Variants in PARD3B observed in about 807,000 individuals in gnomAD.
The protein encoded by PARD3B is partitioning defective 3 homolog B.
PARD3B carries 103 observed loss-of-function variants against 130.2 expected under a neutral mutation model. The ratio of observed to expected loss-of-function variants is 0.79; its 90% CI spans 0.67 to 0.93. PARD3B has a LOEUF of 0.93. Ranked by LOEUF, PARD3B falls within the 40% of genes least tolerant of loss-of-function variation. The probability of loss-of-function intolerance (pLI) is 0.00; values close to 1 mark genes in which losing one functional copy is unlikely to be tolerated. For missense variants in PARD3B, 1,609 were observed against 1,499.2 expected (o/e 1.07, Z -1.21); for synonymous variants, 583 against 553.2 (o/e 1.05, Z -0.76).
chr2:204,817,092 C>T (rs180995204), intron 2 of PARD3B, among the ~76,000 whole-genome samples: 4 of 152,142 alleles, frequency 2.6e-5, no homozygotes, highest in Admixed American at 2.0e-4. Context: ...TTATATATTA[C>T]ATATCTATAT....
At position 205,187,211 on chromosome 2, in the gene PARD3B, A is replaced by G. The variant is rs2036152334; in HGVS notation, c.2024+1348A>G. On this transcript the variant is annotated intron_variant, in intron 14 of 22. Coordinates refer to ENST00000406610, the MANE Select transcript of PARD3B (RefSeq NM_001302769.2). The surrounding 1 kb of genome is among the most constrained non-coding windows in gnomAD (Gnocchi z 4.9). ...CCTAACTCATGAATAGCAGGTGGAC[A>G]TGAGATGAGCCCAGGAAGAAAGGGC... Among the ~76,000 whole-genome samples the G allele has an allele frequency of 6.6e-6, 1 of 152,220 alleles. No homozygotes were observed.
At chr2:204,837,198 A>G (rs1187851391) in intron 2 of PARD3B, among the ~76,000 whole-genome samples, 2 of 152,166 alleles carry the variant, frequency 1.3e-5, no homozygotes, top group African/African-American at 4.8e-5. Context: ...TTTCATAAAT[A>G]CTAAGACTAT....
intron 5 of PARD3B, among the ~76,000 whole-genome samples, chr2:205,108,133 GA>G (rs1321261849): frequency 6.6e-6 from 1 of 152,114 alleles, no homozygotes; most frequent in Non-Finnish European, 1.5e-5. Flanking sequence ...CCCATGTTTT[GA>G]TGCTTTATTC....
intron 10 of PARD3B, among the ~76,000 whole-genome samples, chr2:205,151,189 G>A (rs953172445): frequency 6.6e-6 from 1 of 152,138 alleles, no homozygotes; most frequent in Non-Finnish European, 1.5e-5. Context: ...CAACTATGTG[G>A]TCAATTTTGG....
At chr2:204,872,463 T>G (rs997749144) in intron 2 of PARD3B, among the ~76,000 whole-genome samples, 4 of 152,092 alleles carry the variant, frequency 2.6e-5, no homozygotes, top group Admixed American at 2.0e-4. Context: ...TACAGAGCAT[T>G]TTGGGAGGAA....
At chr2:205,581,570 A>T (rs1183968909) in intron 22 of PARD3B, among the ~76,000 whole-genome samples, 1 of 150,102 alleles carries the variant, frequency 6.7e-6, no homozygotes, top group Non-Finnish European at 1.5e-5. Context: ...ACAGCCAATA[A>T]TTTAGTATAT....
intron 22 of PARD3B, among the ~76,000 whole-genome samples, chr2:205,612,215 C>G (rs1209769830): frequency 6.6e-6 from 1 of 152,138 alleles, no homozygotes. Context: ...TGTAGCGGCA[C>G]AATCTCAGCT....
At chr2:205,595,955 G>A (rs1183939596) in intron 22 of PARD3B, among the ~76,000 whole-genome samples, 1 of 152,102 alleles carries the variant, frequency 6.6e-6, no homozygotes, top group Non-Finnish European at 1.5e-5. Context: ...AATGATGAGA[G>A]CAGAGTAATT....
intron 4 of PARD3B, among the ~76,000 whole-genome samples, chr2:205,051,220 C>T (rs1170521461): frequency 6.6e-6 from 1 of 152,130 alleles, no homozygotes; most frequent in Non-Finnish European, 1.5e-5. Flanking sequence ...CTTCACAACT[C>T]CAGCTACACC....
chr2:204,588,484 C>T (rs1178153701), intron 1 of PARD3B, among the ~76,000 whole-genome samples: 2 of 152,178 alleles, frequency 1.3e-5, no homozygotes, highest in Non-Finnish European at 1.5e-5. Flanking sequence ...ATTCCCCCCA[C>T]TTTGATATGC....
In PARD3B at chr2:205,541,347, GTTTT is replaced by G. The variant is rs34760169; in HGVS notation, c.3181-11962_3181-11959del. 7.2e-4 allele frequency among the ~76,000 whole-genome samples: 88 copies of G among 122,180 alleles called. 1 individual carries two copies. The highest frequency in any genetic ancestry group is 4.2e-3 in the Middle Eastern group (1 of 236). The allele number at this position is 122,180 out of a possible 152,430, so 80.2% of individuals were successfully genotyped here. A position where few individuals can be genotyped will look rare whatever the true frequency, so the allele number is the denominator to read the frequency against. ...GAGTTTTAATGCTCACAGAAACTTTGTTTTTTTTTTTTTTTTTTGAGACAGAGTT... is the reference window on the plus strand; with the variant it reads ...GAGTTTTAATGCTCACAGAAACTTTGTTTTTTTTTTTTTTGAGACAGAGTT... On this transcript the variant is annotated intron_variant, in intron 21 of 22. Coordinates refer to ENST00000406610, the MANE Select transcript of PARD3B (RefSeq NM_001302769.2).
chr2:204,649,890 C>T (rs923001334), intron 1 of PARD3B, among the ~76,000 whole-genome samples: 11 of 152,164 alleles, frequency 7.2e-5, no homozygotes, highest in Middle Eastern at 3.4e-3. Context: ...GAGGCAATTC[C>T]GATTAAAGCA....
At chr2:204,866,067 C>G (rs2045402425) in intron 2 of PARD3B, among the ~76,000 whole-genome samples, 1 of 152,162 alleles carries the variant, frequency 6.6e-6, no homozygotes, top group Non-Finnish European at 1.5e-5. Flanking sequence ...TGTACCAGAG[C>G]ATTGTCATGT....
At chr2:205,457,522 C>G (rs1036302905) in intron 20 of PARD3B, among the ~76,000 whole-genome samples, 1 of 151,916 alleles carries the variant, frequency 6.6e-6, no homozygotes, top group Middle Eastern at 3.2e-3. Flanking sequence ...TGCTTTTTCT[C>G]TTTGTTCCTT....
intron 18 of PARD3B, among the ~76,000 whole-genome samples, chr2:205,354,020 CTTTTCCTTT>C (rs1444779366): frequency 8.7e-6 from 1 of 114,590 alleles, no homozygotes; most frequent in Non-Finnish European, 1.7e-5. Context: ...TTTTTCTTTT[CTTTTCCTTT>C]TTTTTTTTTT....
At chr2:204,909,095 G>A (rs73053146) in intron 2 of PARD3B, among the ~76,000 whole-genome samples, 1 of 152,014 alleles carries the variant, frequency 6.6e-6, no homozygotes, top group African/African-American at 2.4e-5. Context: ...CTGCAGGAGG[G>A]TTCAGAGGTT....
Position 205,618,450 on chromosome 2 carries a change from G to A in PARD3B, c.*2637G>A, listed in dbSNP as rs920187137. The stretch of plus-strand genomic sequence containing the variant: ...AGAAGACCAGGCTATAATCAGTAAT[G>A]TGCCTGGGAGCAGGAAATAGCTCCC... On this transcript the variant is annotated 3_prime_UTR_variant, in exon 23 of 23. Transcript: ENST00000406610. 1.3e-5 allele frequency: 2 copies of A among 152,180 alleles called. No homozygotes were observed. Among genetic ancestry groups the A allele is most frequent in the Non-Finnish European group, 2.9e-5 (2 of 68,030 alleles). 9.4% of individuals were successfully genotyped at this position (152,180 alleles called of 1,614,324 possible). A position where few individuals can be genotyped will look rare whatever the true frequency, so the allele number is the denominator to read the frequency against.
intron 1 of PARD3B, among the ~76,000 whole-genome samples, chr2:204,561,809 C>G (rs766969310): frequency 1.3e-5 from 2 of 152,018 alleles, no homozygotes; most frequent in Non-Finnish European, 2.9e-5. Flanking sequence ...GTTGGGCAGG[C>G]TGGTCTTGAA....
intron 4 of PARD3B, among the ~76,000 whole-genome samples, chr2:205,064,538 A>G (rs1023802317): frequency 2.0e-5 from 3 of 152,188 alleles, no homozygotes; most frequent in Non-Finnish European, 4.4e-5. Context: ...AACCATGGCA[A>G]TGGGGGTGTG....
Sources: allele counts gnomAD v4.1 joint callset (sites outside exome capture counted in the v4.1 genomes callset), GRCh38; gene constraint gnomAD v4.1.1; non-coding constraint Gnocchi (gnomAD v3.1); transcripts MANE v1.5; gene names NCBI Gene and HGNC (gene_info 2026-07-23, HGNC 2026-07-21).